Variants in CHRNA7 observed in about 807,000 individuals in gnomAD.
The protein encoded by CHRNA7 is cholinergic receptor nicotinic alpha 7 subunit.
In CHRNA7, 17 loss-of-function variants were observed where a neutral mutation model predicts 48.0. That is an observed-to-expected ratio of 0.35 (90% CI 0.24 to 0.53). The LOEUF (loss-of-function observed/expected upper bound fraction) is 0.53, where lower values mean the gene tolerates loss of function less well. Among genes scored for constraint, CHRNA7 ranks in the 20% least tolerant of loss-of-function variants. The pLI is 0.92. For synonymous variants in CHRNA7, 75 were observed against 242.3 expected (o/e 0.31, Z 6.41); for missense variants, 155 against 577.7 (o/e 0.27, Z 7.50).
In CHRNA7 at chr15:32,088,284, C is replaced by T. The variant is rs77643078; in HGVS notation, c.196-13019C>T. ...GCTTGATAGCTCATTTCATTTTATA[C>T]TTGAATAATATTCCATTGTGTGGAT... is the stretch of plus-strand genomic sequence containing the variant. On this transcript the variant is annotated intron_variant, in intron 2 of 9. Transcript: ENST00000306901. Among the ~76,000 whole-genome samples, 438 of 152,248 alleles carry T rather than the reference C, an allele frequency of 2.9e-3. 10 individuals carry two copies. In the East Asian group the frequency reaches 0.072, roughly 25 times the overall value.
At chr15:32,070,671 T>C (rs1423460706) in intron 2 of CHRNA7, among the ~76,000 whole-genome samples, 1 of 9,264 alleles carries the variant, frequency 1.1e-4, no homozygotes, top group Non-Finnish European at 1.8e-4. Flanking sequence ...TTTAGTTCCT[T>C]TTTTTTTTTT....
intron 9 of CHRNA7, chr15:32,166,480 C>T (rs2052154356): frequency 6.6e-6 from 1 of 152,338 alleles, no homozygotes; most frequent in Admixed American, 6.5e-5. Flanking sequence ...TCTTGTGCTT[C>T]CCTGTTCTTG....
At chr15:32,053,494 T>C (rs1438380279) in intron 2 of CHRNA7, among the ~76,000 whole-genome samples, 2 of 152,214 alleles carry the variant, frequency 1.3e-5, no homozygotes, top group Non-Finnish European at 2.9e-5. Context: ...TATAAACCAT[T>C]ATAGCCAAAG....
At chr15:32,133,950 A>G (rs374832188) in intron 4 of CHRNA7, among the ~76,000 whole-genome samples, 3 of 152,194 alleles carry the variant, frequency 2.0e-5, no homozygotes, top group Admixed American at 6.5e-5. Context: ...TGCCATGAAC[A>G]TGCTCTGCAG....
At chr15:32,122,805 A>G (rs140383473) in intron 4 of CHRNA7, among the ~76,000 whole-genome samples, 1 of 152,142 alleles carries the variant, frequency 6.6e-6, no homozygotes, top group Non-Finnish European at 1.5e-5. Context: ...CAGGGTGAAT[A>G]AAAAGAGACA....
intron 2 of CHRNA7, among the ~76,000 whole-genome samples, chr15:32,042,381 G>C (rs754800951): frequency 1.3e-5 from 2 of 152,098 alleles, no homozygotes; most frequent in Non-Finnish European, 2.9e-5. Context: ...CTGATGGCAG[G>C]CCTTATTAAA....
intron 4 of CHRNA7, among the ~76,000 whole-genome samples, chr15:32,117,360 C>T (rs1438334362): frequency 6.6e-6 from 1 of 152,150 alleles, no homozygotes; most frequent in Non-Finnish European, 1.5e-5. Flanking sequence ...CTTGCCTGCC[C>T]CATGTGTGGA....
At chr15:32,122,232 A>G (rs954236607) in intron 4 of CHRNA7, among the ~76,000 whole-genome samples, 2 of 152,224 alleles carry the variant, frequency 1.3e-5, no homozygotes, top group Non-Finnish European at 2.9e-5. Flanking sequence ...GCTGGAGGCC[A>G]GAACCTGGGC....
chr15:32,094,020 C>T (rs1234370029), intron 2 of CHRNA7, among the ~76,000 whole-genome samples: 1 of 152,176 alleles, frequency 6.6e-6, no homozygotes, highest in Non-Finnish European at 1.5e-5. Flanking sequence ...CATCTCCAAT[C>T]TCAGGATCTT....
chr15:32,098,062 T>C (rs1203838674), intron 2 of CHRNA7, among the ~76,000 whole-genome samples: 3 of 152,216 alleles, frequency 2.0e-5, no homozygotes, highest in Non-Finnish European at 2.9e-5. Context: ...GTGGGAACTA[T>C]AATTCCATCT....
rs569585736 is a variant in CHRNA7, at chr15:32,064,182, G to A, written c.195+33145G>A. Among the ~76,000 whole-genome samples, 85 of 152,178 alleles carry A rather than the reference G, an allele frequency of 5.6e-4. 2 individuals carry two copies. Among genetic ancestry groups the A allele is most frequent in the African/African-American group, 1.8e-3 (75 of 41,522 alleles). On this transcript the variant is annotated intron_variant, in intron 2 of 9. Transcript: ENST00000306901. ...TTGTTAGTATTTTTAAAGCAATGCC[G>A]TTGCTCTGTTATAGTACTGAAGTTG...
chr15:32,147,911 G>T (rs888313251), intron 4 of CHRNA7, among the ~76,000 whole-genome samples: 1 of 152,188 alleles, frequency 6.6e-6, no homozygotes, highest in Non-Finnish European at 1.5e-5. Context: ...TCCGTCAGTG[G>T]TGTCTTCACA....
intron 2 of CHRNA7, among the ~76,000 whole-genome samples, chr15:32,066,570 A>G (rs1252391450): frequency 1.3e-5 from 2 of 152,212 alleles, no homozygotes; most frequent in Admixed American, 6.5e-5. Context: ...ATGAGCCACC[A>G]TGCCCAGCCA....
chr15:32,104,061 A>G (rs1169387410), intron 3 of CHRNA7, among the ~76,000 whole-genome samples: 1 of 152,036 alleles, frequency 6.6e-6, no homozygotes, highest in Non-Finnish European at 1.5e-5. Context: ...CTTGTCCTCA[A>G]CATAGCAGCC....
intron 4 of CHRNA7, among the ~76,000 whole-genome samples, chr15:32,124,964 TAC>T (rs1283308831): frequency 1.3e-5 from 2 of 152,208 alleles, no homozygotes; most frequent in Non-Finnish European, 2.9e-5. Context: ...ATCTTGGACT[TAC>T]AGGCTCCAGA....
intron 4 of CHRNA7, among the ~76,000 whole-genome samples, chr15:32,140,414 T>C (rs1429490144): frequency 6.6e-6 from 1 of 152,248 alleles, no homozygotes; most frequent in Non-Finnish European, 1.5e-5. Flanking sequence ...TAGCATGATG[T>C]ATAATCCTTT....
intron 2 of CHRNA7, among the ~76,000 whole-genome samples, chr15:32,090,738 A>G (rs1476801960): frequency 6.6e-6 from 1 of 152,158 alleles, no homozygotes; most frequent in Non-Finnish European, 1.5e-5. Flanking sequence ...GGAGGTTTGA[A>G]TTAGTCTTTG....
At chr15:32,049,968 T>G in intron 2 of CHRNA7, among the ~76,000 whole-genome samples, 1 of 152,204 alleles carries the variant, frequency 6.6e-6, no homozygotes, top group East Asian at 1.9e-4. Context: ...ATGTTGAATA[T>G]TGGCCCCCAC....
At chr15:32,079,083 C>T (rs547150435) in intron 2 of CHRNA7, among the ~76,000 whole-genome samples, 116 of 152,270 alleles carry the variant, frequency 7.6e-4, no homozygotes, top group Non-Finnish European at 1.4e-3. Context: ...CAGAAAAGGA[C>T]TTTGATAAAA....
Sources: gnomAD v4.1 joint callset for allele counts (sites outside exome capture counted in the v4.1 genomes callset) on GRCh38, gnomAD v4.1.1 for gene constraint, MANE v1.5 for transcripts, NCBI Gene and HGNC (gene_info 2026-07-23, HGNC 2026-07-21) for gene names.